The following AARS1 variants were observed in gnomAD, a reference collection of about 807,000 sequenced individuals.
The protein encoded by AARS1 is alanyl-tRNA synthetase 1, also known as alanine--tRNA ligase, cytoplasmic.
A neutral mutation model predicts 108.9 loss-of-function variants in AARS1; 72 were observed. The ratio of observed to expected loss-of-function variants is 0.66; its 90% confidence interval spans 0.55 to 0.80. The LOEUF (loss-of-function observed/expected upper bound fraction) is 0.80, where lower values mean the gene tolerates loss of function less well. Ranked by LOEUF, AARS1 falls within the 30% of genes least tolerant of loss-of-function variation. AARS1 has a pLI of 0.00. For synonymous variants in AARS1, 489 were observed against 465.7 expected (o/e 1.05, Z -0.64); for missense variants, 1,193 against 1,233.2 (o/e 0.97, Z 0.49).
At chr16:70,269,491 G>A (rs376606924) in intron 7 of AARS1, 127 bp downstream of exon 7, 16 of 1,374,460 alleles carry the variant, frequency 1.2e-5, no homozygotes, top group East Asian at 2.5e-5. Flanking sequence ...GCAAGATCAC[G>A]CCATTGTACT....
At chr16:70,283,990 T>C (rs1356745687) in intron 1 of AARS1, among the ~76,000 whole-genome samples, 1 of 151,030 alleles carries the variant, frequency 6.6e-6, no homozygotes, top group South Asian at 2.1e-4. Context: ...GGTGGCAGAA[T>C]TGCTTGAGCC....
In AARS1 at chr16:70,254,615, C is replaced by T. The variant is rs1959931719; in HGVS notation, c.2400+6G>A. 6.2e-7 allele frequency: 1 copy of T among 1,606,896 alleles called. No homozygotes were observed. The highest frequency in any genetic ancestry group is 2.2e-5 in the East Asian group (1 of 44,818). On this transcript the variant is annotated splice_donor_region_variant and intron_variant, in intron 17 of 20. Coordinates refer to ENST00000261772, the MANE Select transcript of AARS1 (RefSeq NM_001605.3). ...CTGAGGACGGAGGGAGGGAAGCCGC[C>T]CCTACCTCTCCAAGGTCAGCGATCT...
intron 2 of AARS1, among the ~76,000 whole-genome samples, chr16:70,280,573 T>A (rs1445051353): frequency 1.3e-5 from 2 of 152,094 alleles, no homozygotes; most frequent in Non-Finnish European, 1.5e-5. Flanking sequence ...AAATGTCAAC[T>A]CATCCCAGAG....
At chr16:70,273,896 G>A (rs1341895169) in intron 4 of AARS1, among the ~76,000 whole-genome samples, 2 of 145,720 alleles carry the variant, frequency 1.4e-5, no homozygotes, top group African/African-American at 5.1e-5. Context: ...AAATTAGCCA[G>A]GCAGGTGGCG....
chr16:70,260,971 C>G, intron 13 of AARS1, 73 bp downstream of exon 13: 1 of 1,251,258 alleles, frequency 8.0e-7, no homozygotes, highest in Non-Finnish European at 1.2e-6. Context: ...CCAACAGTGA[C>G]AGGACAATTT....
At chr16:70,287,555 T>A (rs1037091944) in intron 1 of AARS1, among the ~76,000 whole-genome samples, 1 of 150,982 alleles carries the variant, frequency 6.6e-6, no homozygotes, top group Non-Finnish European at 1.5e-5. Flanking sequence ...CTGGGCAACA[T>A]GGGAACACCT....
chr16:70,254,554 T>C, intron 17 of AARS1, 67 bp downstream of exon 17: 2 of 1,153,312 alleles, frequency 1.7e-6, no homozygotes, highest in Non-Finnish European at 2.6e-6. Context: ...CTACAGATGA[T>C]TTCCTGAAGA....
Position 70,259,182 on chromosome 16 carries a change from C to A in AARS1, c.1790G>T (p.Arg597Leu), listed in dbSNP as rs777597230. 2 of 1,613,904 alleles carry A rather than the reference C, an allele frequency of 1.2e-6. No homozygotes were observed. The highest frequency in any genetic ancestry group is 1.7e-6 in the Non-Finnish European group (2 of 1,179,992). Residue 597 changes from arginine (R) to leucine (L), a missense_variant, in exon 14 of 21, where the codon CGA becomes CTA. Physicochemically the swap from Arg to Leu is moderately radical, Grantham distance 102. Coordinates refer to ENST00000261772, the MANE Select transcript of AARS1 (RefSeq NM_001605.3). The part of the protein sequence containing the change: ...DQVWLFIDEP[R>L]RRPIMSNHTA... ...GTGGTTGCTCATGATGGGTCTTCGT[C>A]GGGGCTGGAAAGGGCAGAGGGGCTC...
At chr16:70,267,602 GTC>G in intron 9 of AARS1, 55 bp downstream of exon 9, 3 of 1,606,070 alleles carry the variant, frequency 1.9e-6, no homozygotes, top group Non-Finnish European at 2.6e-6. Context: ...GAAAGGGCTT[GTC>G]TTTCCCAGAA....
chr16:70,253,884 G>C (rs1459770514), intron 18 of AARS1, 35 bp downstream of exon 18: 2 of 1,614,198 alleles, frequency 1.2e-6, no homozygotes, highest in Non-Finnish European at 1.7e-6. Context: ...CTTTGCCTAG[G>C]AAACACTCTG....
intron 1 of AARS1, among the ~76,000 whole-genome samples, chr16:70,288,858 C>A (rs1392753136): frequency 6.6e-6 from 1 of 152,170 alleles, no homozygotes; most frequent in Admixed American, 6.6e-5. Context: ...TGAGCCTCCG[C>A]GCCTGGCCCT....
intron 4 of AARS1, among the ~76,000 whole-genome samples, chr16:70,274,175 G>C (rs1314333441): frequency 4.9e-5 from 5 of 101,774 alleles, no homozygotes; most frequent in Non-Finnish European, 1.0e-4. Context: ...TCTCTACTAA[G>C]AAAAAAAAAA....
At chr16:70,262,291 TC>T in intron 12 of AARS1, 54 bp downstream of exon 12, 2 of 1,608,776 alleles carry the variant, frequency 1.2e-6, no homozygotes, top group South Asian at 1.1e-5. Context: ...CAAAAGCAGC[TC>T]CCCGGCTCCA....
intron 15 of AARS1, among the ~76,000 whole-genome samples, chr16:70,257,151 A>T (rs892639690): frequency 2.8e-4 from 43 of 152,024 alleles, no homozygotes; most frequent in African/African-American, 9.9e-4. Flanking sequence ...CAGGAGGCTG[A>T]GGCAGGAGAC....
chr16:70,267,564 G>A, intron 9 of AARS1, 95 bp downstream of exon 9: 1 of 1,476,038 alleles, frequency 6.8e-7, no homozygotes, highest in South Asian at 1.2e-5. Context: ...CAGCCTCAGA[G>A]ACATGAGAGC....
intron 1 of AARS1, among the ~76,000 whole-genome samples, chr16:70,287,254 CAAAAAAAAAA>C (rs71151181): frequency 2.5e-5 from 1 of 39,434 alleles, no homozygotes; most frequent in Admixed American, 4.0e-4. Context: ...GACTCCGTCT[CAAAAAAAAAA>C]AAAAAAAAAA....
chr16:70,286,903 G>A (rs1960858643), intron 1 of AARS1, among the ~76,000 whole-genome samples: 1 of 151,490 alleles, frequency 6.6e-6, no homozygotes, highest in Non-Finnish European at 1.5e-5. Context: ...ATCACCTGAG[G>A]TCAGGAGTTC....
At chr16:70,283,326 G>A (rs1010008248) in intron 1 of AARS1, among the ~76,000 whole-genome samples, 5 of 151,910 alleles carry the variant, frequency 3.3e-5, no homozygotes, top group Middle Eastern at 6.3e-3. Context: ...GAACCCAGGA[G>A]GTGGAGGTTG....
intron 1 of AARS1, among the ~76,000 whole-genome samples, chr16:70,287,350 C>T (rs762336062): frequency 2.7e-5 from 4 of 147,904 alleles, no homozygotes; most frequent in Non-Finnish European, 4.4e-5. Context: ...ATTGCTTGAA[C>T]CTGGGAGGCG....
Sources: allele counts gnomAD v4.1 joint callset (sites outside exome capture counted in the v4.1 genomes callset), GRCh38; gene constraint gnomAD v4.1.1; transcripts MANE v1.5; gene names NCBI Gene and HGNC (gene_info 2026-07-23, HGNC 2026-07-21).